Variants in USP9X observed in about 807,000 individuals in gnomAD.
USP9X encodes the protein ubiquitin specific peptidase 9 X-linked.
A neutral mutation model predicts 190.3 loss-of-function variants in USP9X; 7 were observed. The ratio of observed to expected loss-of-function variants is 0.04; its 90% CI spans 0.02 to 0.07. USP9X has a LOEUF of 0.07. Among genes scored for constraint, USP9X ranks in the 10% least tolerant of loss-of-function variants. USP9X has a pLI of 1.00. For missense variants in USP9X, 1,010 were observed against 1,916.9 expected (o/e 0.53, Z 8.83); for synonymous variants, 645 against 659.5 (o/e 0.98, Z 0.34).
At chrX:41,165,142 A>G (rs1346206189) in intron 15 of USP9X, among the ~76,000 whole-genome samples, 6 of 103,094 alleles carry the variant, frequency 5.8e-5, no homozygotes, top group Admixed American at 2.1e-4. Context: ...CAATGATGCC[A>G]TATAAGCAGG....
At chrX:41,197,332 C>CA (rs1244287985) in intron 28 of USP9X, 32 bp from the exon 29 acceptor site, 1 of 211,283 alleles carries the variant, frequency 4.7e-6, no homozygotes. Context: ...TTGATTTCTT[C>CA]CCCCCCCCAC....
Position 41,223,112 on chromosome X carries a change from T to C in USP9X, c.6566-105T>C, listed in dbSNP as rs760057467. The C allele has an allele frequency of 2.7e-5, 21 of 775,947 alleles. No homozygotes were observed. The African/African-American group carries it at 2.8e-4, about 10-fold the overall frequency. 63.9% of individuals were successfully genotyped at this position (775,947 alleles called of 1,213,427 possible). ...GATCATAAAAATTATAGACAAGATATTTTGTATAACTACTTGTTTTATTCA... is the reference window on the plus strand; with the variant it reads ...GATCATAAAAATTATAGACAAGATACTTTGTATAACTACTTGTTTTATTCA... On this transcript the variant is annotated intron_variant, in intron 38 of 44. Transcript: ENST00000378308.
At chrX:41,124,890 A>G (rs1438094471) in intron 2 of USP9X, among the ~76,000 whole-genome samples, 1 of 112,005 alleles carries the variant, frequency 8.9e-6, no homozygotes, top group African/African-American at 3.2e-5. Flanking sequence ...GATCAATTGA[A>G]TTAATGCTAA....
At chrX:41,140,124 C>A (rs1225544442) in intron 6 of USP9X, among the ~76,000 whole-genome samples, 3 of 111,504 alleles carry the variant, frequency 2.7e-5, no homozygotes, top group African/African-American at 9.8e-5. Context: ...AAGTATCAAC[C>A]AGCATATTCT....
intron 28 of USP9X, 57 bp from the exon 29 acceptor site, chrX:41,197,307 T>C: frequency 1.1e-6 from 1 of 929,283 alleles, no homozygotes. Flanking sequence ...TACCTCCCTT[T>C]CATAAGCTAG....
intron 6 of USP9X, among the ~76,000 whole-genome samples, chrX:41,140,179 G>A (rs1319503123): frequency 8.9e-6 from 1 of 111,755 alleles, no homozygotes; most frequent in Non-Finnish European, 1.9e-5. Context: ...GTTTTTAATT[G>A]ACAATTGACT....
At chrX:41,089,973 G>A (rs779936055) in intron 1 of USP9X, among the ~76,000 whole-genome samples, 1 of 94,998 alleles carries the variant, frequency 1.1e-5, no homozygotes, top group East Asian at 3.3e-4. Context: ...GAGTGGTCAC[G>A]GTTCACTGCA....
chrX:41,146,363 T>C (rs187022206), intron 11 of USP9X, among the ~76,000 whole-genome samples: 1 of 112,318 alleles, frequency 8.9e-6, no homozygotes, highest in Admixed American at 9.4e-5. Context: ...AAAGATGATT[T>C]TGAAAGGAAG....
At position 41,110,543 on chromosome X, in the gene USP9X, C is replaced by T. The variant is rs753655301; in HGVS notation, c.-158-12928C>T. Among the ~76,000 whole-genome samples the T allele has an allele frequency of 1.1e-4, 12 of 111,516 alleles. No individual in the cohort carries two copies. The East Asian group carries it at 2.2e-3, about 21-fold the overall frequency. The stretch of plus-strand genomic sequence containing the variant: ...TCTGAGTTTGAATCCTGGCTCCTAC[C>T]ACTTTGACAGCCTGTAGTCCTCTGT... On this transcript the variant is annotated intron_variant, in intron 1 of 44. Transcript: ENST00000378308.
chrX:41,207,719 A>G (rs113267203), intron 32 of USP9X, among the ~76,000 whole-genome samples: 1,549 of 110,964 alleles, frequency 0.014, 35 homozygotes, highest in African/African-American at 0.048. Context: ...GCCAGCTGAG[A>G]GGAGCGGGGA....
chrX:41,193,822 CTAAAG>C (rs1457113246), intron 26 of USP9X, among the ~76,000 whole-genome samples: 1 of 111,439 alleles, frequency 9.0e-6, no homozygotes, highest in Non-Finnish European at 1.9e-5. Flanking sequence ...GAAACCCTGT[CTAAAG>C]TAAAAGGGAC....
At chrX:41,138,295 A>G (rs1207369718) in intron 6 of USP9X, among the ~76,000 whole-genome samples, 1 of 111,745 alleles carries the variant, frequency 8.9e-6, no homozygotes, top group African/African-American at 3.2e-5. Flanking sequence ...ATGTCATGAT[A>G]TAATGAAAAA....
At chrX:41,128,933 G>C in intron 2 of USP9X, 67 bp from the exon 3 acceptor site, 2 of 1,098,771 alleles carry the variant, frequency 1.8e-6, no homozygotes, top group Non-Finnish European at 2.5e-6. Flanking sequence ...GTCTATGTTG[G>C]TGTTTGGATT....
intron 14 of USP9X, among the ~76,000 whole-genome samples, chrX:41,160,297 C>T (rs1484052689): frequency 9.2e-6 from 1 of 108,785 alleles, no homozygotes; most frequent in Admixed American, 9.8e-5. Context: ...ATATTTACTA[C>T]TAAACTACCA....
At chrX:41,093,502 A>G (rs1440415437) in intron 1 of USP9X, among the ~76,000 whole-genome samples, 1 of 111,223 alleles carries the variant, frequency 9.0e-6, no homozygotes, top group Non-Finnish European at 1.9e-5. Context: ...GCGCCACCAC[A>G]CCCAGCTAAT....
chrX:41,181,573 C>T (rs1345143083), intron 21 of USP9X, among the ~76,000 whole-genome samples: 2 of 106,609 alleles, frequency 1.9e-5, no homozygotes, highest in Non-Finnish European at 3.9e-5. Context: ...CTCAGCCTCC[C>T]GAGTAGCTGG....
intron 21 of USP9X, among the ~76,000 whole-genome samples, chrX:41,181,295 A>AAG (rs1296513335): frequency 1.3e-5 from 1 of 79,111 alleles, no homozygotes; most frequent in East Asian, 4.5e-4. Context: ...TTTTTTTTTA[A>AAG]AGAGAGAGGG....
chrX:41,193,523 G>A lies in USP9X; in HGVS notation c.3978-2728G>A, dbSNP rs765723424. ...AAAGAAAATAGAAAAAATAAGCCGGGTATGGTGAACATGCCTGTAGTCCCA... is the reference window on the plus strand; with the variant it reads ...AAAGAAAATAGAAAAAATAAGCCGGATATGGTGAACATGCCTGTAGTCCCA... On this transcript the variant is annotated intron_variant, in intron 26 of 44. Transcript: ENST00000378308. Among the ~76,000 whole-genome samples, 3 of 110,630 alleles carry A rather than the reference G, an allele frequency of 2.7e-5. 1 individual carries two copies. In the South Asian group the frequency reaches 1.2e-3, roughly 43 times the overall value.
intron 2 of USP9X, among the ~76,000 whole-genome samples, chrX:41,126,093 G>A (rs2062247845): frequency 9.0e-6 from 1 of 111,690 alleles, no homozygotes; most frequent in Non-Finnish European, 1.9e-5. Context: ...AGCTATTACA[G>A]ATTAGATATT....
Sources: allele counts gnomAD v4.1 joint callset (sites outside exome capture counted in the v4.1 genomes callset), GRCh38; gene constraint gnomAD v4.1.1; transcripts MANE v1.5; gene names NCBI Gene and HGNC (gene_info 2026-07-23, HGNC 2026-07-21).